The following BRAF variants were observed in gnomAD, a reference collection of about 807,000 sequenced individuals.
The protein encoded by BRAF is serine/threonine-protein kinase B-raf.
BRAF carries 16 observed loss-of-function variants against 104.6 expected under a neutral mutation model. The observed-to-expected ratio is 0.15, with a 90% CI of 0.10 to 0.23. The LOEUF (loss-of-function observed/expected upper bound fraction) is 0.23. BRAF is among the 10% of genes least tolerant of loss of function. The pLI is 1.00. For synonymous variants in BRAF, 310 were observed against 341.6 expected, an observed-to-expected ratio of 0.91 and a Z score of 1.02; for missense variants, 541 against 937.3, an observed-to-expected ratio of 0.58 and a Z score of 5.52.
At chr7:140,734,862 A>C in intron 18 of BRAF, 92 bp from the exon 18 acceptor site, 3 of 1,376,134 alleles carry the variant, frequency 2.2e-6, no homozygotes, top group Non-Finnish European at 2.9e-6. Context: ...AAGAATGAAA[A>C]TCTGGGTGGT....
At chr7:140,750,628 A>C (rs1217582259) in intron 16 of BRAF, among the ~76,000 whole-genome samples, 1 of 152,228 alleles carries the variant, frequency 6.6e-6, no homozygotes, top group African/African-American at 2.4e-5. Flanking sequence ...GCTTTGTCAT[A>C]CATTTTGTTC....
chr7:140,781,820 T>TG (rs1800904364), intron 11 of BRAF, 127 bp from the exon 11 acceptor site: 1 of 763,028 alleles, frequency 1.3e-6, no homozygotes. Context: ...AAAAATTCTC[T>TG]GGAAGAATAG....
At chr7:140,782,222 A>T (rs1586143239) in intron 11 of BRAF, among the ~76,000 whole-genome samples, 1 of 152,294 alleles carries the variant, frequency 6.6e-6, no homozygotes, top group East Asian at 1.9e-4. Context: ...ACAATTTATT[A>T]AAAAATATAA....
Position 140,734,698 on chromosome 7 carries a change from T to C in BRAF, c.2320A>G (p.Asn774Asp). Residue 774 changes from asparagine to aspartate, a missense_variant, in exon 19 of 20, where the codon AAT becomes GAT. Transcript: ENST00000644969. ...IHRSASEPSL[N>D]RAGFQTEDFS... ...TCCTCTGTTTGGAAACCAGCCCGAT[T>C]CAAGGAGGGTTCTGATGCACTGCGG... 6.2e-7 allele frequency: 1 copy of C among 1,605,734 alleles called. No homozygotes were observed. Among genetic ancestry groups the C allele is most frequent in the Non-Finnish European group, 8.5e-7 (1 of 1,179,034 alleles).
chr7:140,802,290 GTCTTTTTTTTT>G (rs1562966920), intron 5 of BRAF, among the ~76,000 whole-genome samples: 25 of 136,048 alleles, frequency 1.8e-4, no homozygotes, highest in Non-Finnish European at 1.6e-5. Context: ...GTATGTTTGT[GTCTTTTTTTTT>G]TTTTTTTTTT....
chr7:140,728,359 T>C (rs1458223503), intron 19 of BRAF, among the ~76,000 whole-genome samples: 1 of 152,174 alleles, frequency 6.6e-6, no homozygotes, highest in African/African-American at 2.4e-5. Context: ...CTTTCAACAA[T>C]TAACACTTTG....
chr7:140,811,885 C>A (rs781063121), intron 3 of BRAF, among the ~76,000 whole-genome samples: 1 of 152,224 alleles, frequency 6.6e-6, no homozygotes. Flanking sequence ...ATAACTACTA[C>A]GAACAATGAG....
chr7:140,737,637 A>T (rs1468266047), intron 18 of BRAF, among the ~76,000 whole-genome samples: 1 of 152,142 alleles, frequency 6.6e-6, no homozygotes, highest in Non-Finnish European at 1.5e-5. Flanking sequence ...AAAATTTTTA[A>T]TGTACTCACA....
At chr7:140,921,151 G>C (rs1393379040) in intron 1 of BRAF, among the ~76,000 whole-genome samples, 2 of 151,992 alleles carry the variant, frequency 1.3e-5, no homozygotes, top group African/African-American at 4.8e-5. Flanking sequence ...TACAGAAACA[G>C]CACAGGAAGA....
chr7:140,903,361 C>T (rs975956563), intron 1 of BRAF, among the ~76,000 whole-genome samples: 1 of 152,176 alleles, frequency 6.6e-6, no homozygotes, highest in African/African-American at 2.4e-5. Context: ...GTAAATGGAA[C>T]AATGAAGCCT....
intron 1 of BRAF, among the ~76,000 whole-genome samples, chr7:140,903,461 AAC>A (rs1386476407): frequency 6.6e-6 from 1 of 152,204 alleles, no homozygotes; most frequent in Non-Finnish European, 1.5e-5. Flanking sequence ...GATTCCTTCT[AAC>A]ACATTACTAC....
At chr7:140,770,930 C>CAAA (rs568324541) in intron 14 of BRAF, among the ~76,000 whole-genome samples, 2 of 63,442 alleles carry the variant, frequency 3.2e-5, no homozygotes, top group Non-Finnish European at 6.9e-5. Flanking sequence ...GATTCCATCT[C>CAAA]AAAAAAAAAA....
At chr7:140,773,745 T>C (rs1800064082) in intron 14 of BRAF, among the ~76,000 whole-genome samples, 1 of 152,214 alleles carries the variant, frequency 6.6e-6, no homozygotes. Context: ...TGCCAATTCC[T>C]GAGAATTGAG....
chr7:140,783,266 T>C (rs1801054117), intron 10 of BRAF, 109 bp from the exon 10 acceptor site: 1 of 1,349,834 alleles, frequency 7.4e-7, no homozygotes, highest in Admixed American at 2.2e-5. Context: ...ATGTAGTGCA[T>C]GTTTAAATAT....
intron 7 of BRAF, among the ~76,000 whole-genome samples, chr7:140,798,526 C>G (rs2129041852): frequency 1.3e-5 from 2 of 148,346 alleles, no homozygotes; most frequent in South Asian, 4.4e-4. Context: ...TCCCAAAGTG[C>G]TGGGATTACA....
chr7:140,750,919 C>CA (rs1426606189), intron 16 of BRAF, among the ~76,000 whole-genome samples: 2 of 152,130 alleles, frequency 1.3e-5, no homozygotes, highest in African/African-American at 4.8e-5. Context: ...AAAACTCTCA[C>CA]AAAGGTTTCT....
intron 19 of BRAF, among the ~76,000 whole-genome samples, chr7:140,727,003 A>C (rs903824223): frequency 6.6e-6 from 1 of 152,202 alleles, no homozygotes; most frequent in Non-Finnish European, 1.5e-5. Context: ...TTTGACAGAG[A>C]AAGAAAATCC....
At chr7:140,755,214 T>C (rs1798107850) in intron 14 of BRAF, among the ~76,000 whole-genome samples, 1 of 152,202 alleles carries the variant, frequency 6.6e-6, no homozygotes, top group Non-Finnish European at 1.5e-5. Context: ...TCAATACATG[T>C]CTACTGAATC....
intron 17 of BRAF, among the ~76,000 whole-genome samples, chr7:140,746,942 G>A (rs62487906): frequency 0.16 from 23,611 of 152,024 alleles, 3,050 homozygotes; most frequent in African/African-American, 0.36. Flanking sequence ...TTTACCAGCT[G>A]TGCTCTGAAT....
Sources: allele counts gnomAD v4.1 joint callset (sites outside exome capture counted in the v4.1 genomes callset), GRCh38; gene constraint gnomAD v4.1.1; transcripts MANE v1.5; gene names NCBI Gene and HGNC (gene_info 2026-07-23, HGNC 2026-07-21).